MYH13: variants seen among roughly 807,000 people sequenced by gnomAD.
The protein encoded by MYH13 is myosin heavy chain 13.
In MYH13, 177 loss-of-function variants were observed where a neutral mutation model predicts 232.1. That is an observed-to-expected ratio of 0.76 (90% CI 0.67 to 0.86). The LOEUF (loss-of-function observed/expected upper bound fraction) is 0.86, where lower values mean the gene tolerates loss of function less well. Among genes scored for constraint, MYH13 ranks in the 40% least tolerant of loss-of-function variants. The probability of loss-of-function intolerance (pLI) is 0.00; values close to 1 mark genes in which losing one functional copy is unlikely to be tolerated. For missense variants in MYH13, 2,246 were observed against 2,405.9 expected (o/e 0.93, Z 1.39); for synonymous variants, 884 against 923.5 (o/e 0.96, Z 0.78).
At position 10,315,966 on chromosome 17, in the gene MYH13, C is replaced by T. The variant is rs1906695940; in HGVS notation, c.3798G>A (p.Lys1266=). The change falls in exon 28 of 41, where the codon AAG becomes AAA. Residue 1266 remains lysine (K), a synonymous_variant. Transcript: ENST00000252172. ...VEDQFSEIKA[K]DEQQTQLIHD... is the part of the protein sequence containing the mutation. ...GGATCAACTGTGTCTGTTGCTCGTC[C>T]TTGGCTTTGATTTCACTAAATTGAT... is the stretch of plus-strand genomic sequence containing the variant. The T allele has an allele frequency of 7.4e-6, 12 of 1,613,964 alleles. No individual in the cohort carries two copies. Among genetic ancestry groups the T allele is most frequent in the Non-Finnish European group, 9.3e-6 (11 of 1,179,878 alleles).
At chr17:10,344,181 A>T in intron 15 of MYH13, 72 bp from the exon 16 acceptor site, 1 of 1,547,934 alleles carries the variant, frequency 6.5e-7, no homozygotes, top group East Asian at 2.3e-5. Flanking sequence ...AAGCCAAAAA[A>T]CCTTCTTTGG....
chr17:10,339,548 G>A (rs1200717280), intron 18 of MYH13, among the ~76,000 whole-genome samples: 2 of 152,204 alleles, frequency 1.3e-5, no homozygotes, highest in Non-Finnish European at 1.5e-5. Flanking sequence ...GGATACCCAA[G>A]ATGATTATTT....
At chr17:10,312,153 C>T in intron 31 of MYH13, 77 bp from the exon 32 acceptor site, 2 of 1,513,678 alleles carry the variant, frequency 1.3e-6, no homozygotes, top group East Asian at 2.3e-5. Context: ...CAAGGGCTGT[C>T]AGTAACACCA....
In MYH13 at chr17:10,362,177, T is replaced by C. The variant is rs1203380494; in HGVS notation, c.446A>G (p.Gln149Arg). ...VVAAYRGKKR[Q>R]EAPPHIFSIS... is the part of the protein sequence containing the mutation. ...GGAGAAGATGTGGGGCGGGGCCTCC[T>C]GGCGCTTTTTGCCTCTGTAGGCAGC... Residue 149 changes from glutamine to arginine, a missense_variant, in exon 5 of 41, where the codon CAG (glutamine) becomes CGG (arginine). Coordinates refer to ENST00000252172, the MANE Select transcript of MYH13 (RefSeq NM_003802.3). 5.0e-6 allele frequency: 8 copies of C among 1,613,814 alleles called. No homozygotes were observed. The highest frequency in any genetic ancestry group is 6.8e-6 in the Non-Finnish European group (8 of 1,179,876).
At chr17:10,348,982 A>G (rs560420809) in intron 12 of MYH13, among the ~76,000 whole-genome samples, 3 of 151,350 alleles carry the variant, frequency 2.0e-5, no homozygotes, top group Admixed American at 1.3e-4. Flanking sequence ...CCCTTTGCAC[A>G]TGACCCTTCC....
intron 8 of MYH13, among the ~76,000 whole-genome samples, chr17:10,357,261 CTA>C (rs1567671886): frequency 1.3e-5 from 2 of 152,206 alleles, no homozygotes; most frequent in Non-Finnish European, 2.9e-5. Flanking sequence ...CGCGCCCAGA[CTA>C]TTTCAAATTT....
chr17:10,329,457 T>C (rs1907337259), intron 21 of MYH13, among the ~76,000 whole-genome samples: 1 of 152,238 alleles, frequency 6.6e-6, no homozygotes. Flanking sequence ...TGCCCCGTCA[T>C]AGCCTTTGTG....
chr17:10,357,864 G>T, intron 7 of MYH13, 37 bp from the exon 8 acceptor site: 2 of 1,586,188 alleles, frequency 1.3e-6, no homozygotes, highest in Non-Finnish European at 1.7e-6. Context: ...GAGGACTTTG[G>T]ATGGTTTTCT....
intron 11 of MYH13, among the ~76,000 whole-genome samples, chr17:10,351,330 T>G (rs981085978): frequency 6.6e-6 from 1 of 152,020 alleles, no homozygotes; most frequent in Non-Finnish European, 1.5e-5. Context: ...TACTGAGAGC[T>G]GGGAATGTCA....
intron 12 of MYH13, 94 bp from the exon 13 acceptor site, chr17:10,346,892 T>C: frequency 2.3e-6 from 2 of 886,518 alleles, no homozygotes; most frequent in Non-Finnish European, 3.6e-6. Context: ...TTTTCTGTAA[T>C]TTTCTTAAAT....
At chr17:10,321,328 CA>C (rs1465907363) in intron 24 of MYH13, among the ~76,000 whole-genome samples, 1 of 152,176 alleles carries the variant, frequency 6.6e-6, no homozygotes, top group Non-Finnish European at 1.5e-5. Context: ...CGCCATTTCA[CA>C]AGGCACAAAC....
In MYH13 at chr17:10,306,733, C is replaced by G; in HGVS notation, c.5296-104G>C. On this transcript the variant is annotated intron_variant, in intron 36 of 40. Coordinates refer to ENST00000252172, the MANE Select transcript of MYH13 (RefSeq NM_003802.3). This position sits in a 1 kb window ranked among gnomAD's most constrained non-coding sequence, Gnocchi z 4.3. The stretch of plus-strand genomic sequence containing the variant: ...GATCATGGTGCTGAGCCTCCCCTGT[C>G]TGACTGGGGCCAGTCATTGCTGATT... The G allele has an allele frequency of 6.5e-7, 1 of 1,549,030 alleles. No individual in the cohort carries two copies. The highest frequency in any genetic ancestry group is 8.7e-7 in the Non-Finnish European group (1 of 1,150,772).
chr17:10,370,905 C>A (rs762497308), intron 2 of MYH13, among the ~76,000 whole-genome samples: 19 of 152,160 alleles, frequency 1.2e-4, no homozygotes, highest in Non-Finnish European at 2.4e-4. Context: ...GTGAAGACTG[C>A]ATTTGGACCC....
chr17:10,332,150 G>A lies in MYH13; in HGVS notation c.2247C>T (p.Leu749=), dbSNP rs773697479. The A allele has an allele frequency of 7.4e-6, 12 of 1,613,890 alleles. No homozygotes were observed. The East Asian group carries it at 2.7e-4, about 36-fold the overall frequency. The part of the protein sequence containing the change: ...FIDSKNASEK[L]LNSIDVDREQ... ...CCCGGTCCACATCGATGGAGTTGAG[G>A]AGCTTCTCTGAGGCATTTTTGCTGT... The change falls in exon 20 of 41, where the codon CTC becomes CTT. Residue 749 remains leucine, a synonymous_variant. Transcript: ENST00000252172.
intron 40 of MYH13, among the ~76,000 whole-genome samples, chr17:10,301,290 C>A (rs1340715523): frequency 6.6e-6 from 1 of 152,142 alleles, no homozygotes; most frequent in Admixed American, 6.5e-5. Flanking sequence ...GAGTGTGCAA[C>A]CAGCAGCAGG....
At position 10,306,829 on chromosome 17, in the gene MYH13, A is replaced by G. The variant is rs541810758; in HGVS notation, c.5295+110T>C. The stretch of plus-strand genomic sequence containing the variant: ...CATTACATCTGTCTGGGAAGCCACC[A>G]CTAACCGATTGTTGTCATAAGAGAT... On this transcript the variant is annotated intron_variant, in intron 36 of 40. Transcript: ENST00000252172. This position sits in a 1 kb window ranked among gnomAD's most constrained non-coding sequence, Gnocchi z 4.3. 6.6e-4 allele frequency: 1,037 copies of G among 1,570,496 alleles called. 12 individuals carry two copies. In the South Asian group the frequency reaches 0.011, roughly 17 times the overall value.
intron 9 of MYH13, 34 bp from the exon 10 acceptor site, chr17:10,355,027 C>T (rs1567671280): frequency 4.3e-5 from 70 of 1,610,534 alleles, no homozygotes; most frequent in Non-Finnish European, 5.9e-5. Flanking sequence ...TTTCAGGCTC[C>T]CAAGAGATGC....
chr17:10,342,709 A>G (rs73283811), intron 16 of MYH13, among the ~76,000 whole-genome samples: 143 of 152,338 alleles, frequency 9.4e-4, no homozygotes, highest in African/African-American at 3.2e-3. Context: ...AGCATCCAGT[A>G]TATAATTCCA....
intron 39 of MYH13, 39 bp downstream of exon 39, chr17:10,303,157 G>GTC: frequency 6.3e-7 from 1 of 1,580,862 alleles, no homozygotes; most frequent in South Asian, 1.1e-5. Flanking sequence ...CCCAGGGACT[G>GTC]TCTGTCTGTG....
Sources: allele counts gnomAD v4.1 joint callset (sites outside exome capture counted in the v4.1 genomes callset), GRCh38; gene constraint gnomAD v4.1.1; non-coding constraint Gnocchi (gnomAD v3.1); transcripts MANE v1.5; gene names NCBI Gene and HGNC (gene_info 2026-07-23, HGNC 2026-07-21).